FRMPD4: variants seen among roughly 807,000 people sequenced by gnomAD.
FRMPD4 encodes FERM and PDZ domain containing 4, also known as FERM and PDZ domain-containing protein 4.
A neutral mutation model predicts 94.1 loss-of-function variants in FRMPD4; 22 were observed. That is an observed-to-expected ratio of 0.23 (90% CI 0.17 to 0.33). FRMPD4 has a LOEUF of 0.33. FRMPD4 is among the 10% of genes least tolerant of loss of function. The pLI is 1.00. For missense variants in FRMPD4, 1,111 were observed against 1,339.9 expected, an observed-to-expected ratio of 0.83 and a Z score of 2.67; for synonymous variants, 631 against 548.6, an observed-to-expected ratio of 1.15 and a Z score of -2.10.
In FRMPD4 at chrX:12,473,734, G is replaced by A. The variant is rs769727667; in HGVS notation, c.42-24946G>A. Among the ~76,000 whole-genome samples the A allele has an allele frequency of 4.5e-3, 498 of 110,344 alleles. 3 individuals are homozygous for A. Among genetic ancestry groups the A allele is most frequent in the Middle Eastern group, 0.028 (6 of 215 alleles). Reference sequence around the variant, plus strand: ...AGACAAAGAAGGCCATTACATAATGGTAAAGGAATCAATTCAACAAGAAGA... The same window carrying A: ...AGACAAAGAAGGCCATTACATAATGATAAAGGAATCAATTCAACAAGAAGA... On this transcript the variant is annotated intron_variant, in intron 1 of 16. Coordinates refer to ENST00000675598, the MANE Select transcript of FRMPD4 (RefSeq NM_001368397.1).
At chrX:12,172,875 A>G (rs2056247396) in intron 1 of FRMPD4, among the ~76,000 whole-genome samples, 1 of 112,894 alleles carries the variant, frequency 8.9e-6, no homozygotes, top group Non-Finnish European at 1.9e-5. Context: ...GATTCTGTCT[A>G]TAACTGCTTT....
upstream of FRMPD4, among the ~76,000 whole-genome samples, chrX:12,137,026 G>A (rs1008019257): frequency 3.6e-5 from 4 of 110,553 alleles, no homozygotes; most frequent in African/African-American, 9.9e-5. Context: ...AAAAGGTTGC[G>A]ATGAGACTCC....
At chrX:12,563,239 T>TAC (rs369700317) in intron 2 of FRMPD4, among the ~76,000 whole-genome samples, 3,678 of 97,137 alleles carry the variant, frequency 0.038, 58 homozygotes, top group Middle Eastern at 0.1. Context: ...TGTAAGTGTG[T>TAC]ACACACACAC....
chrX:12,257,499 T>C (rs889588841), intron 1 of FRMPD4, among the ~76,000 whole-genome samples: 12 of 110,957 alleles, frequency 1.1e-4, no homozygotes, highest in African/African-American at 4.0e-4. Context: ...AGAATAAATC[T>C]TTGACTTGTT....
chrX:12,460,613 C>T (rs112247022), intron 1 of FRMPD4, among the ~76,000 whole-genome samples: 4,317 of 111,931 alleles, frequency 0.039, 228 homozygotes, highest in African/African-American at 0.13. Context: ...TGGGTTTCCC[C>T]CAAACTACTG....
intron 3 of FRMPD4, among the ~76,000 whole-genome samples, chrX:12,050,269 T>C (rs1467123537): frequency 9.0e-6 from 1 of 111,367 alleles, no homozygotes; most frequent in Non-Finnish European, 1.9e-5. Context: ...GATATACCAA[T>C]TTTTATTATT....
chrX:12,478,810 T>A (rs905155836), intron 1 of FRMPD4, among the ~76,000 whole-genome samples: 4 of 111,915 alleles, frequency 3.6e-5, no homozygotes, highest in African/African-American at 9.7e-5. Flanking sequence ...AATAATGACC[T>A]TGTCTGCTTG....
At chrX:11,870,516 T>C (rs899099686) in intron 2 of FRMPD4, among the ~76,000 whole-genome samples, 13 of 111,554 alleles carry the variant, frequency 1.2e-4, no homozygotes, top group African/African-American at 4.2e-4. Context: ...GAGGCCTGAT[T>C]CATAATTCTT....
At chrX:11,899,057 C>T (rs1258131616) in intron 3 of FRMPD4, among the ~76,000 whole-genome samples, 1 of 112,425 alleles carries the variant, frequency 8.9e-6, no homozygotes, top group East Asian at 2.8e-4. Flanking sequence ...ATGGCTTTTC[C>T]ATCAAAGCAA....
At chrX:12,035,722 T>C (rs772346900) in intron 3 of FRMPD4, among the ~76,000 whole-genome samples, 1 of 111,342 alleles carries the variant, frequency 9.0e-6, no homozygotes, top group South Asian at 3.8e-4. Flanking sequence ...TCTTGAATTT[T>C]AAAGCGAGGT....
chrX:12,063,355 T>G (rs2054897997), intron 3 of FRMPD4, among the ~76,000 whole-genome samples: 1 of 110,621 alleles, frequency 9.0e-6, no homozygotes, highest in Admixed American at 9.6e-5. Context: ...GGCAACAGAG[T>G]GAGACCACAT....
At chrX:12,048,602 G>A (rs2054799212) in intron 3 of FRMPD4, among the ~76,000 whole-genome samples, 1 of 111,474 alleles carries the variant, frequency 9.0e-6, no homozygotes, top group Non-Finnish European at 1.9e-5. Context: ...TTTTCTTCTA[G>A]GTTCTTATAG....
At chrX:12,010,098 A>G (rs1281875471) in intron 3 of FRMPD4, among the ~76,000 whole-genome samples, 1 of 111,608 alleles carries the variant, frequency 9.0e-6, no homozygotes, top group Non-Finnish European at 1.9e-5. Context: ...CGAATGAGGT[A>G]TACTGAGTAG....
Position 12,553,190 on chromosome X carries a change from A to AAGAG in FRMPD4, c.158+54402_158+54405dup, listed in dbSNP as rs1204188166. Among the ~76,000 whole-genome samples the AAGAG allele has an allele frequency of 2.7e-4, 29 of 108,872 alleles. No homozygotes were observed. The South Asian group carries it at 5.4e-3, about 20-fold the overall frequency. 94.5% of individuals were successfully genotyped at this position (108,872 alleles called of 115,157 possible). A position where few individuals can be genotyped will look rare whatever the true frequency, so the allele number is the denominator to read the frequency against. On this transcript the variant is annotated intron_variant, in intron 2 of 16. Transcript: ENST00000675598. The stretch of plus-strand genomic sequence containing the variant: ...AAAGTAAGAAAGAAAGAAAGAAAGA[A>AAGAG]AGAGAGAGAGAAAGAAAAAGAGAGA...
intron 3 of FRMPD4, among the ~76,000 whole-genome samples, chrX:11,993,668 G>A (rs1310179526): frequency 8.9e-6 from 1 of 112,333 alleles, no homozygotes; most frequent in Non-Finnish European, 1.9e-5. Flanking sequence ...ATAAGTCAGG[G>A]ATCTGACACT....
intron 3 of FRMPD4, among the ~76,000 whole-genome samples, chrX:12,109,282 C>A (rs1246957180): frequency 8.9e-6 from 1 of 112,032 alleles, no homozygotes. Context: ...CTCAAAACTG[C>A]TCAACTACAT....
At chrX:12,263,316 A>G (rs1417335094) in intron 1 of FRMPD4, among the ~76,000 whole-genome samples, 1 of 111,021 alleles carries the variant, frequency 9.0e-6, no homozygotes, top group Non-Finnish European at 1.9e-5. Flanking sequence ...ACCTTAGGAG[A>G]GGTGAGAGTA....
At chrX:11,966,749 C>T (rs754458134) in intron 3 of FRMPD4, among the ~76,000 whole-genome samples, 298 of 112,218 alleles carry the variant, frequency 2.7e-3, no homozygotes, top group Non-Finnish European at 4.5e-3. Context: ...TCCAGTAATG[C>T]CAAATGACAA....
chrX:11,871,562 C>T (rs1383269848), intron 2 of FRMPD4, among the ~76,000 whole-genome samples: 1 of 112,523 alleles, frequency 8.9e-6, no homozygotes, highest in Admixed American at 9.4e-5. Flanking sequence ...TAACAAAATT[C>T]ATTGTTTACT....
Sources: allele counts gnomAD v4.1 joint callset (sites outside exome capture counted in the v4.1 genomes callset), GRCh38; gene constraint gnomAD v4.1.1; transcripts MANE v1.5; gene names NCBI Gene and HGNC (gene_info 2026-07-23, HGNC 2026-07-21).